STK4: variants seen among roughly 807,000 people sequenced by gnomAD.
STK4 encodes the protein serine/threonine kinase 4, also known as serine/threonine-protein kinase 4.
STK4 carries 30 observed loss-of-function variants against 64.9 expected under a neutral mutation model. That is an observed-to-expected ratio of 0.46 (90% CI 0.35 to 0.63). The LOEUF is 0.63. STK4 is among the 20% of genes least tolerant of loss of function. The pLI is 0.01. For synonymous variants in STK4, 177 were observed against 199.0 expected, an observed-to-expected ratio of 0.89 and a Z score of 0.93; for missense variants, 466 against 598.5, an observed-to-expected ratio of 0.78 and a Z score of 2.31.
chr20:45,007,345 G>A (rs1049580895), intron 9 of STK4, among the ~76,000 whole-genome samples: 1 of 152,164 alleles, frequency 6.6e-6, no homozygotes, highest in Non-Finnish European at 1.5e-5. Context: ...AAGGTCAGAA[G>A]ATCGAGACCA....
chr20:45,060,001 G>A lies in STK4; in HGVS notation c.1306-15017G>A, dbSNP rs191853545. Among the ~76,000 whole-genome samples the A allele has an allele frequency of 2.0e-5, 3 of 152,272 alleles. No homozygotes were observed. In the East Asian group the frequency reaches 5.8e-4, roughly 29 times the overall value. On this transcript the variant is annotated intron_variant, in intron 10 of 10. Coordinates refer to ENST00000372806, the MANE Select transcript of STK4 (RefSeq NM_006282.5). Reference sequence around the variant, plus strand: ...TATCATTTTCAAACAAAGGCTTAAAGATTAAGGATCTATTTCTTTATTAAA... The same window carrying A: ...TATCATTTTCAAACAAAGGCTTAAAAATTAAGGATCTATTTCTTTATTAAA...
chr20:45,025,279 G>A, intron 10 of STK4, 149 bp downstream of exon 10: 2 of 902,304 alleles, frequency 2.2e-6, no homozygotes, highest in Non-Finnish European at 3.1e-6. Context: ...TATTTTGACT[G>A]ATGTTTGGGC....
chr20:45,054,577 T>TTTA (rs1568758959), intron 10 of STK4, among the ~76,000 whole-genome samples: 15 of 125,524 alleles, frequency 1.2e-4, no homozygotes, highest in Admixed American at 2.4e-4. Context: ...TTTTTTTTTT[T>TTTA]CAAAAAAAAA....
chr20:45,005,460 A>G (rs923272250), intron 9 of STK4, among the ~76,000 whole-genome samples: 1 of 151,986 alleles, frequency 6.6e-6, no homozygotes, highest in Non-Finnish European at 1.5e-5. Context: ...CCTGGCTAAC[A>G]TGGTGAAACC....
chr20:45,001,039 A>G (rs2067829017), intron 8 of STK4, 128 bp from the exon 9 acceptor site: 1 of 1,021,696 alleles, frequency 9.8e-7, no homozygotes, highest in African/African-American at 1.6e-5. Context: ...TCATTTCTGG[A>G]AGGTGAGTTT....
At chr20:45,038,975 CTG>C in intron 10 of STK4, among the ~76,000 whole-genome samples, 1 of 152,024 alleles carries the variant, frequency 6.6e-6, no homozygotes, top group Middle Eastern at 3.4e-3. Flanking sequence ...ATACATTGTT[CTG>C]TTTGAAGTAT....
rs1242421537 is a variant in STK4, at chr20:45,075,272, C to T, written c.*96C>T. 8.8e-6 allele frequency: 13 copies of T among 1,475,380 alleles called. No individual in the cohort carries two copies. The highest frequency in any genetic ancestry group is 2.8e-5 in the African/African-American group (2 of 71,942). The allele number at this position is 1,475,380 out of a possible 1,614,324, so 91.4% of individuals were successfully genotyped here. ...TTGTTAGCCAGCACTTCTGCTCTGTCGTCTCTCCACAGCACCTTTGTGAAC... is the reference window on the plus strand; with the variant it reads ...TTGTTAGCCAGCACTTCTGCTCTGTTGTCTCTCCACAGCACCTTTGTGAAC... On this transcript the variant is annotated 3_prime_UTR_variant, in exon 11 of 11. Coordinates refer to ENST00000372806, the MANE Select transcript of STK4 (RefSeq NM_006282.5).
At chr20:44,998,641 A>C (rs951671922) in intron 7 of STK4, among the ~76,000 whole-genome samples, 2 of 152,264 alleles carry the variant, frequency 1.3e-5, no homozygotes, top group Admixed American at 6.5e-5. Context: ...GTGATGGAGA[A>C]AAATAAAGAT....
intron 10 of STK4, among the ~76,000 whole-genome samples, chr20:45,046,095 C>G (rs1233758499): frequency 6.6e-6 from 1 of 152,028 alleles, no homozygotes; most frequent in East Asian, 1.9e-4. Context: ...GCCTGAGCCA[C>G]CGCACCTAGC....
chr20:44,982,313 T>A (rs1038058493), intron 4 of STK4, among the ~76,000 whole-genome samples: 11 of 151,750 alleles, frequency 7.2e-5, no homozygotes, highest in Non-Finnish European at 1.5e-4. Context: ...ATTTTTTTTT[T>A]TTGTGGAGAT....
At chr20:45,009,280 T>A (rs1227174415) in intron 9 of STK4, among the ~76,000 whole-genome samples, 2 of 152,254 alleles carry the variant, frequency 1.3e-5, no homozygotes, top group Non-Finnish European at 2.9e-5. Flanking sequence ...CAGTACCATT[T>A]ATTAAATAGG....
At chr20:44,970,959 G>T (rs1053263402) in intron 1 of STK4, among the ~76,000 whole-genome samples, 1 of 148,222 alleles carries the variant, frequency 6.7e-6, no homozygotes, top group East Asian at 2.0e-4. Flanking sequence ...ATATTATCCA[G>T]CTAGTCTAAA....
At chr20:44,983,913 T>C (rs1474858521) in intron 4 of STK4, among the ~76,000 whole-genome samples, 2 of 152,158 alleles carry the variant, frequency 1.3e-5, no homozygotes, top group Non-Finnish European at 2.9e-5. Context: ...TTAGTGTGTT[T>C]GCTTAATCGA....
rs749788988 is a variant in STK4, at chr20:45,011,708, C to CATATATATATATAT, written c.1147+10364_1147+10377dup. Among the ~76,000 whole-genome samples, 151 of 86,844 alleles carry CATATATATATATAT rather than the reference C, an allele frequency of 1.7e-3. 3 individuals carry two copies. The highest frequency in any genetic ancestry group is 7.1e-3 in the African/African-American group (140 of 19,778). 57.0% of individuals were successfully genotyped at this position (86,844 alleles called of 152,430 possible). A position where few individuals can be genotyped will look rare whatever the true frequency, so the allele number is the denominator to read the frequency against. ...TTTGAAAGTTCTTGTGTAGAACATACATATATATATATATATATATATTTT... is the reference window on the plus strand; with the variant it reads ...TTTGAAAGTTCTTGTGTAGAACATACATATATATATATATATATATATATATATATATATATTTT... On this transcript the variant is annotated intron_variant, in intron 9 of 10. Coordinates refer to ENST00000372806, the MANE Select transcript of STK4 (RefSeq NM_006282.5).
intron 1 of STK4, among the ~76,000 whole-genome samples, chr20:44,969,713 A>G (rs2067211865): frequency 6.6e-6 from 1 of 152,214 alleles, no homozygotes; most frequent in Non-Finnish European, 1.5e-5. Flanking sequence ...AGGCTTGTTC[A>G]TTTATGAGCA....
intron 7 of STK4, among the ~76,000 whole-genome samples, chr20:44,997,987 G>A (rs955479072): frequency 6.6e-6 from 1 of 152,202 alleles, no homozygotes; most frequent in African/African-American, 2.4e-5. Flanking sequence ...GGGTCACTCA[G>A]CTGGTAAGTA....
chr20:45,037,944 C>T (rs2068553142), intron 10 of STK4, among the ~76,000 whole-genome samples: 1 of 152,078 alleles, frequency 6.6e-6, no homozygotes. Context: ...TATTTGCCTA[C>T]GCTTAAGTCA....
intron 2 of STK4, 104 bp downstream of exon 2, chr20:44,972,262 G>A (rs1242774148): frequency 5.0e-6 from 5 of 1,006,246 alleles, no homozygotes; most frequent in African/African-American, 3.3e-5. Flanking sequence ...TAGGTGGGGT[G>A]GAAGGTAAAT....
intron 7 of STK4, among the ~76,000 whole-genome samples, chr20:44,999,860 A>G (rs1265649254): frequency 6.6e-6 from 1 of 152,208 alleles, no homozygotes; most frequent in East Asian, 1.9e-4. Context: ...TCTTTATTCC[A>G]TTAAGCTCCC....
Sources: gnomAD v4.1 joint callset for allele counts (sites outside exome capture counted in the v4.1 genomes callset) on GRCh38, gnomAD v4.1.1 for gene constraint, MANE v1.5 for transcripts, NCBI Gene and HGNC (gene_info 2026-07-23, HGNC 2026-07-21) for gene names.